NOS1AP: variants seen among roughly 807,000 people sequenced by gnomAD.
The protein encoded by NOS1AP is carboxyl-terminal PDZ ligand of neuronal nitric oxide synthase protein.
In NOS1AP, 21 loss-of-function variants were observed where a neutral mutation model predicts 56.2. The observed-to-expected ratio is 0.37, with a 90% confidence interval of 0.26 to 0.54. NOS1AP has a LOEUF of 0.54. NOS1AP is among the 20% of genes least tolerant of loss of function. The pLI is 0.84. For synonymous variants in NOS1AP, 270 were observed against 274.6 expected, an observed-to-expected ratio of 0.98 and a Z score of 0.17; for missense variants, 522 against 657.8, an observed-to-expected ratio of 0.79 and a Z score of 2.26.
intron 1 of NOS1AP, among the ~76,000 whole-genome samples, chr1:162,135,065 G>C (rs1196974521): frequency 6.6e-6 from 1 of 152,182 alleles, no homozygotes; most frequent in Non-Finnish European, 1.5e-5. Context: ...TATCTTCTCT[G>C]TGAGTACTTC....
intron 2 of NOS1AP, among the ~76,000 whole-genome samples, chr1:162,164,727 G>A (rs900700744): frequency 3.9e-5 from 6 of 152,206 alleles, no homozygotes; most frequent in South Asian, 4.1e-4. Flanking sequence ...ATTCCCTTCT[G>A]TGACCTTTTG....
intron 6 of NOS1AP, among the ~76,000 whole-genome samples, chr1:162,345,164 T>A (rs974868704): frequency 6.6e-6 from 1 of 152,160 alleles, no homozygotes; most frequent in Non-Finnish European, 1.5e-5. Flanking sequence ...TTTTTTTCTT[T>A]TATTATTATA....
At chr1:162,351,191 A>C (rs6679782) in intron 6 of NOS1AP, among the ~76,000 whole-genome samples, 14,102 of 152,238 alleles carry the variant, frequency 0.093, 939 homozygotes, top group East Asian at 0.18. Context: ...TACTCAGCCC[A>C]TACACATAAA....
In NOS1AP at chr1:162,243,877, G is replaced by C. The variant is rs190548875; in HGVS notation, c.178-43467G>C. Among the ~76,000 whole-genome samples, 526 of 152,276 alleles carry C rather than the reference G, an allele frequency of 3.5e-3. 8 individuals carry two copies. Among genetic ancestry groups the C allele is most frequent in the Admixed American group, 0.028 (427 of 15,296 alleles). On this transcript the variant is annotated intron_variant, in intron 2 of 9. Transcript: ENST00000361897. ...TTGGAGGACCGTCTTCCCCTCAAAG[G>C]GGGTGTGAGTGGCAGGAACTGATTA...
At chr1:162,345,803 T>C (rs1657275207) in intron 6 of NOS1AP, among the ~76,000 whole-genome samples, 1 of 152,208 alleles carries the variant, frequency 6.6e-6, no homozygotes, top group South Asian at 2.1e-4. Flanking sequence ...AGAATTATTG[T>C]CGTAATTAGA....
chr1:162,077,368 CT>C (rs1374966262), intron 1 of NOS1AP, among the ~76,000 whole-genome samples: 3 of 152,034 alleles, frequency 2.0e-5, no homozygotes, highest in Non-Finnish European at 4.4e-5. Flanking sequence ...AAAAGACCAT[CT>C]TTTCATGTGT....
chr1:162,077,504 C>A (rs894262693), intron 1 of NOS1AP, among the ~76,000 whole-genome samples: 8 of 151,910 alleles, frequency 5.3e-5, no homozygotes, highest in Non-Finnish European at 1.2e-4. Flanking sequence ...GATTCAAATC[C>A]CTTATATAGA....
chr1:162,320,046 T>G (rs988366803), intron 4 of NOS1AP, among the ~76,000 whole-genome samples: 1 of 152,100 alleles, frequency 6.6e-6, no homozygotes, highest in African/African-American at 2.4e-5. Context: ...CATTCCTCTG[T>G]CCGCACTTGC....
intron 2 of NOS1AP, among the ~76,000 whole-genome samples, chr1:162,265,418 C>A (rs1181415260): frequency 6.7e-6 from 1 of 148,746 alleles, no homozygotes; most frequent in Non-Finnish European, 1.5e-5. Context: ...GTGATGTTCC[C>A]CTTCCTGTGT....
chr1:162,169,362 C>T (rs1477760205), intron 2 of NOS1AP, among the ~76,000 whole-genome samples: 1 of 152,236 alleles, frequency 6.6e-6, no homozygotes, highest in Non-Finnish European at 1.5e-5. Context: ...AAGAGTTTGG[C>T]TGCCTTTAAA....
intron 2 of NOS1AP, among the ~76,000 whole-genome samples, chr1:162,240,244 A>AGTGTGTGTGTGT (rs5778260): frequency 0.026 from 3,673 of 141,258 alleles, 185 homozygotes; most frequent in African/African-American, 0.089. Context: ...CTGTGTGGCC[A>AGTGTGTGTGTGT]GTGTGTGTGT....
intron 4 of NOS1AP, among the ~76,000 whole-genome samples, chr1:162,320,022 C>A (rs568490969): frequency 2.0e-5 from 3 of 152,302 alleles, no homozygotes; most frequent in South Asian, 4.1e-4. Flanking sequence ...TCCTCCTCCG[C>A]GTTTCACTGG....
intron 2 of NOS1AP, among the ~76,000 whole-genome samples, chr1:162,226,709 G>A (rs4233387): frequency 0.88 from 134,147 of 152,236 alleles, 59,166 homozygotes; most frequent in Non-Finnish European, 0.9. Flanking sequence ...ATGTAGGCCA[G>A]TACAACTCAC....
At chr1:162,329,877 A>G (rs1557880484) in intron 4 of NOS1AP, among the ~76,000 whole-genome samples, 1 of 152,252 alleles carries the variant, frequency 6.6e-6, no homozygotes, top group Non-Finnish European at 1.5e-5. Flanking sequence ...ATTTACTTTT[A>G]ATAACAACAC....
Position 162,121,082 on chromosome 1 carries a change from ATT to A in NOS1AP, c.106-33303_106-33302del, listed in dbSNP as rs372854857. On this transcript the variant is annotated intron_variant, in intron 1 of 9. Transcript: ENST00000361897. ...CTGCTAAAGAACTTGGCACACTAGG[ATT>A]TTTTTTTTTTTTTTTTTTTCATTTG... Among the ~76,000 whole-genome samples the A allele has an allele frequency of 2.6e-3, 265 of 103,044 alleles. 1 individual carries two copies. The highest frequency in any genetic ancestry group is 6.7e-3 in the African/African-American group (187 of 27,858). 67.6% of individuals were successfully genotyped at this position (103,044 alleles called of 152,430 possible).
intron 2 of NOS1AP, among the ~76,000 whole-genome samples, chr1:162,222,774 T>C (rs1652824214): frequency 6.6e-6 from 1 of 152,184 alleles, no homozygotes; most frequent in South Asian, 2.1e-4. Context: ...TTTGCATAAT[T>C]CTGAAAAGGC....
At chr1:162,178,334 A>G (rs188295521) in intron 2 of NOS1AP, among the ~76,000 whole-genome samples, 2 of 152,334 alleles carry the variant, frequency 1.3e-5, no homozygotes, top group Admixed American at 1.3e-4. Flanking sequence ...TTGTGTGGAC[A>G]TAAGTTTTCA....
chr1:162,100,354 G>A (rs1692355057), intron 1 of NOS1AP, among the ~76,000 whole-genome samples: 2 of 152,112 alleles, frequency 1.3e-5, no homozygotes, highest in African/African-American at 4.8e-5. Flanking sequence ...ATCTCATTGT[G>A]GTTTCGATTT....
At chr1:162,079,896 C>G (rs1401046748) in intron 1 of NOS1AP, among the ~76,000 whole-genome samples, 2 of 152,186 alleles carry the variant, frequency 1.3e-5, no homozygotes, top group East Asian at 3.9e-4. Context: ...GACAGCATGA[C>G]TACTTTGTGG....
Sources: allele counts gnomAD v4.1 joint callset (sites outside exome capture counted in the v4.1 genomes callset), GRCh38; gene constraint gnomAD v4.1.1; transcripts MANE v1.5; gene names NCBI Gene and HGNC (gene_info 2026-07-23, HGNC 2026-07-21).